The following P4HA1 variants were observed in gnomAD, a reference collection of about 807,000 sequenced individuals.
P4HA1 encodes prolyl 4-hydroxylase subunit alpha 1.
A neutral mutation model predicts 72.8 loss-of-function variants in P4HA1; 24 were observed. The ratio of observed to expected loss-of-function variants is 0.33; its 90% CI spans 0.24 to 0.46. The LOEUF is 0.46. Among genes scored for constraint, P4HA1 ranks in the 20% least tolerant of loss-of-function variants. The probability of loss-of-function intolerance (pLI) is 1.00; values close to 1 mark genes in which losing one functional copy is unlikely to be tolerated. For missense variants in P4HA1, 446 were observed against 640.6 expected (o/e 0.70, Z 3.28); for synonymous variants, 201 against 218.8 (o/e 0.92, Z 0.72).
chr10:73,020,495 C>T (rs752477032), intron 10 of P4HA1, among the ~76,000 whole-genome samples: 14 of 152,108 alleles, frequency 9.2e-5, no homozygotes, highest in South Asian at 2.1e-4. Context: ...ACCAGACATA[C>T]AAAGAGCTAG....
At chr10:73,092,182 T>C (rs557769691) in intron 1 of P4HA1, among the ~76,000 whole-genome samples, 7 of 152,272 alleles carry the variant, frequency 4.6e-5, no homozygotes, top group South Asian at 2.1e-4. Flanking sequence ...AATCTAGATA[T>C]GCATTTCCAT....
intron 1 of P4HA1, among the ~76,000 whole-genome samples, chr10:73,079,298 A>T (rs1309841161): frequency 2.0e-5 from 3 of 152,132 alleles, no homozygotes; most frequent in East Asian, 1.9e-4. Flanking sequence ...TCTATAAAAA[A>T]TTTTTAAAAA....
intron 8 of P4HA1, among the ~76,000 whole-genome samples, chr10:73,045,347 T>C (rs1436640710): frequency 6.6e-6 from 1 of 151,570 alleles, no homozygotes; most frequent in African/African-American, 2.4e-5. Context: ...AAAAGAGACA[T>C]ATCTAAAATT....
At chr10:73,019,815 T>A in intron 10 of P4HA1, among the ~76,000 whole-genome samples, 1 of 139,048 alleles carries the variant, frequency 7.2e-6, no homozygotes, top group African/African-American at 2.7e-5. Context: ...AGCAAAACAA[T>A]CTCTGAACCT....
chr10:73,068,763 C>G, intron 5 of P4HA1, 83 bp downstream of exon 5: 1 of 1,129,134 alleles, frequency 8.9e-7, no homozygotes, highest in South Asian at 1.4e-5. Flanking sequence ...AAATGCAAGT[C>G]TTTTTTATAC....
intron 6 of P4HA1, among the ~76,000 whole-genome samples, chr10:73,051,646 CT>C (rs1841021736): frequency 6.6e-6 from 1 of 152,106 alleles, no homozygotes; most frequent in Non-Finnish European, 1.5e-5. Flanking sequence ...GCAATCCCAG[CT>C]ACTCAGGAGG....
intron 4 of P4HA1, among the ~76,000 whole-genome samples, chr10:73,070,741 A>T (rs549457528): frequency 6.6e-6 from 1 of 152,374 alleles, no homozygotes; most frequent in South Asian, 2.1e-4. Context: ...TGCTACAAAC[A>T]AAATTCTAAG....
rs920360586 is a variant in P4HA1 at position 73,059,424 on chromosome 10, TAAAAAAAAAAAAAAAAAA to T, written c.464-5852_464-5835del. 6.2e-3 allele frequency among the ~76,000 whole-genome samples: 150 copies of T among 24,178 alleles called. 1 individual carries two copies. Among genetic ancestry groups the T allele is most frequent in the Middle Eastern group, 0.067 (2 of 30 alleles). The allele number at this position is 24,178 out of a possible 152,430, so 15.9% of individuals were successfully genotyped here. A position where few individuals can be genotyped will look rare whatever the true frequency, so the allele number is the denominator to read the frequency against. ...GGGCAAAATAATGAGACAATATATT[TAAAAAAAAAAAAAAAAAA>T]AAAAAAAAAAAAAAAAAAAGGCTGG... is the stretch of plus-strand genomic sequence containing the variant. On this transcript the variant is annotated intron_variant, in intron 5 of 14. Transcript: ENST00000394890.
At chr10:73,031,628 AGGGGAT>A (rs147021749) in intron 9 of P4HA1, among the ~76,000 whole-genome samples, 16,178 of 150,054 alleles carry the variant, frequency 0.11, 1,211 homozygotes, top group East Asian at 0.3. Context: ...AGTGGTTGCC[AGGGGAT>A]GGGGATGGGG....
At chr10:73,025,948 C>A (rs28853423) in intron 10 of P4HA1, among the ~76,000 whole-genome samples, 1 of 151,916 alleles carries the variant, frequency 6.6e-6, no homozygotes, top group East Asian at 1.9e-4. Flanking sequence ...CACTGCTCAA[C>A]GAAATAAAAG....
intron 3 of P4HA1, among the ~76,000 whole-genome samples, chr10:73,072,668 T>C (rs1001704309): frequency 6.6e-6 from 1 of 152,138 alleles, no homozygotes. Flanking sequence ...AATTCTCAGG[T>C]CAGGATTAAC....
intron 9 of P4HA1, among the ~76,000 whole-genome samples, chr10:73,040,993 T>C (rs1292607408): frequency 6.6e-6 from 1 of 152,210 alleles, no homozygotes; most frequent in Non-Finnish European, 1.5e-5. Context: ...TTAATTGCAA[T>C]GTTCAGAAGC....
chr10:73,085,487 G>GA (rs1564638294), intron 1 of P4HA1, among the ~76,000 whole-genome samples: 7 of 151,966 alleles, frequency 4.6e-5, no homozygotes. Flanking sequence ...GGGTTCAAGC[G>GA]ATTCTCCTGC....
intron 6 of P4HA1, 99 bp downstream of exon 6, chr10:73,053,252 G>A (rs1437338170): frequency 2.5e-6 from 3 of 1,197,392 alleles, no homozygotes; most frequent in Non-Finnish European, 3.5e-6. Context: ...CTTCTAAAAA[G>A]TAAGAAAATA....
At chr10:73,037,542 TATATATATATATATATATA>T in intron 9 of P4HA1, among the ~76,000 whole-genome samples, 1 of 22,750 alleles carries the variant, frequency 4.4e-5, no homozygotes, top group African/African-American at 2.1e-4. Flanking sequence ...TATATATATA[TATATATATATATATATATA>T]TATATATATA....
chr10:73,074,726 T>G, intron 2 of P4HA1, 82 bp downstream of exon 2: 1 of 773,628 alleles, frequency 1.3e-6, no homozygotes, highest in Non-Finnish European at 2.3e-6. Context: ...ACACTGTATT[T>G]GTTTTTGCTG....
At chr10:73,070,709 T>C (rs1012204656) in intron 4 of P4HA1, among the ~76,000 whole-genome samples, 2 of 152,152 alleles carry the variant, frequency 1.3e-5, no homozygotes, top group African/African-American at 4.8e-5. Context: ...ATAAGTTTTA[T>C]AGAAGGCTAT....
At chr10:73,095,097 G>A (rs529844673) in intron 1 of P4HA1, among the ~76,000 whole-genome samples, 2 of 152,106 alleles carry the variant, frequency 1.3e-5, no homozygotes, top group African/African-American at 2.4e-5. Flanking sequence ...AGGACTTAAG[G>A]CACAATGTCC....
At chr10:73,022,861 T>C (rs1840168961) in intron 10 of P4HA1, among the ~76,000 whole-genome samples, 2 of 152,116 alleles carry the variant, frequency 1.3e-5, no homozygotes, top group South Asian at 2.1e-4. Context: ...CAAGCTTCGG[T>C]AGCCGATTTG....
Sources: gnomAD v4.1 joint callset for allele counts (sites outside exome capture counted in the v4.1 genomes callset) on GRCh38, gnomAD v4.1.1 for gene constraint, MANE v1.5 for transcripts, NCBI Gene and HGNC (gene_info 2026-07-23, HGNC 2026-07-21) for gene names.